Variants in FBXL2 observed in about 807,000 individuals in gnomAD.
The protein encoded by FBXL2 is F-box and leucine rich repeat protein 2, also known as F-box/LRR-repeat protein 2.
Under a neutral mutation model 69.2 loss-of-function variants are expected in FBXL2, and 38 were observed. The ratio of observed to expected loss-of-function variants is 0.55; its 90% confidence interval spans 0.42 to 0.72. The LOEUF (loss-of-function observed/expected upper bound fraction) is 0.72, where lower values mean the gene tolerates loss of function less well. FBXL2 is among the 30% of genes least tolerant of loss of function. FBXL2 has a pLI of 0.00. For missense variants in FBXL2, 354 were observed against 520.3 expected (o/e 0.68, Z 3.11); for synonymous variants, 192 against 201.3 (o/e 0.95, Z 0.39).
chr3:33,418,135 A>T, the FBXL2 span, among the ~76,000 whole-genome samples: 1 of 152,254 alleles, frequency 6.6e-6, no homozygotes, highest in East Asian at 1.9e-4. Flanking sequence ...GAAGAATATA[A>T]AGTTTTGAAA....
At chr3:33,309,227 T>C (rs76532096) in intron 2 of FBXL2, among the ~76,000 whole-genome samples, 15,444 of 152,264 alleles carry the variant, frequency 0.1, 822 homozygotes, top group African/African-American at 0.12. Context: ...GCTGCCATTT[T>C]TATATTGCAG....
At chr3:33,305,457 C>T (rs1263362277) in intron 2 of FBXL2, among the ~76,000 whole-genome samples, 2 of 151,800 alleles carry the variant, frequency 1.3e-5, no homozygotes, top group South Asian at 4.1e-4. Flanking sequence ...TTCTGTGTGT[C>T]AATACTACAT....
intron 6 of FBXL2, 48 bp from the exon 7 acceptor site, chr3:33,373,212 G>A: frequency 1.2e-6 from 2 of 1,610,836 alleles, no homozygotes; most frequent in Non-Finnish European, 1.7e-6. Context: ...AGAGAGAAGG[G>A]AGAGAAACGT....
chr3:33,370,889 G>A (rs1482317630), intron 5 of FBXL2, among the ~76,000 whole-genome samples: 2 of 152,076 alleles, frequency 1.3e-5, no homozygotes, highest in African/African-American at 2.4e-5. Flanking sequence ...TGGGTTTATT[G>A]TTTTCATAAA....
rs1319548491 is a variant in FBXL2, at chr3:33,387,311, T to C, written c.*1703T>C. The C allele has an allele frequency of 6.6e-6, 1 of 152,070 alleles. No homozygotes were observed. The allele number at this position is 152,070 out of a possible 1,614,324, so 9.4% of individuals were successfully genotyped here. A position where few individuals can be genotyped will look rare whatever the true frequency, so the allele number is the denominator to read the frequency against. On this transcript the variant is annotated 3_prime_UTR_variant, in exon 15 of 15. Transcript: ENST00000484457. ...TTAGTTTAGTTTCTATTAAAAAAAA[T>C]TAACTTAAGGCTGGCCACGGTGGTT...
chr3:33,392,700 C>T (rs947430763), downstream of FBXL2: 2 of 1,291,798 alleles, frequency 1.5e-6, no homozygotes, highest in Non-Finnish European at 2.2e-6. Flanking sequence ...ATATTCTTCT[C>T]AAACAAACAC....
At chr3:33,300,139 A>T (rs1044376704) in intron 2 of FBXL2, among the ~76,000 whole-genome samples, 1 of 152,162 alleles carries the variant, frequency 6.6e-6, no homozygotes, top group Non-Finnish European at 1.5e-5. Context: ...GGGTGTGATT[A>T]AACTCCACCC....
At chr3:33,348,887 G>A (rs1475420295) in intron 2 of FBXL2, among the ~76,000 whole-genome samples, 1 of 151,992 alleles carries the variant, frequency 6.6e-6, no homozygotes, top group Non-Finnish European at 1.5e-5. Context: ...TTGTAAATGG[G>A]ATTACTTTTT....
chr3:33,373,478 T>A, intron 7 of FBXL2, 100 bp from the exon 8 acceptor site: 1 of 1,569,774 alleles, frequency 6.4e-7, no homozygotes, highest in South Asian at 1.1e-5. Flanking sequence ...CCAGGCATGG[T>A]CTCCCCTTCG....
intron 1 of FBXL2, among the ~76,000 whole-genome samples, chr3:33,295,240 A>T (rs1057091738): frequency 6.6e-6 from 1 of 152,218 alleles, no homozygotes; most frequent in Non-Finnish European, 1.5e-5. Flanking sequence ...AAGAAACCTC[A>T]TATACACTCA....
At chr3:33,355,210 A>C (rs1235740732) in intron 2 of FBXL2, among the ~76,000 whole-genome samples, 2 of 152,196 alleles carry the variant, frequency 1.3e-5, no homozygotes, top group African/African-American at 4.8e-5. Flanking sequence ...GATTATAGGC[A>C]TGAGCCACCA....
intron 2 of FBXL2, among the ~76,000 whole-genome samples, chr3:33,337,800 T>C (rs1333926986): frequency 1.3e-5 from 2 of 152,270 alleles, no homozygotes; most frequent in East Asian, 1.9e-4. Flanking sequence ...CAAAAGTCAG[T>C]AGCATTTCTG....
intron 5 of FBXL2, among the ~76,000 whole-genome samples, chr3:33,366,098 A>G (rs1446920367): frequency 6.6e-6 from 1 of 152,256 alleles, no homozygotes; most frequent in Non-Finnish European, 1.5e-5. Flanking sequence ...TTTTCCTTAA[A>G]TGAAGAAAAT....
At chr3:33,309,355 TTATA>T (rs1241807950) in intron 2 of FBXL2, among the ~76,000 whole-genome samples, 1 of 152,248 alleles carries the variant, frequency 6.6e-6, no homozygotes, top group Non-Finnish European at 1.5e-5. Flanking sequence ...CCCTTTGTCA[TTATA>T]TAATCACTTT....
chr3:33,420,488 C>CTT, the FBXL2 span, among the ~76,000 whole-genome samples: 12,918 of 120,438 alleles, frequency 0.11, 1,113 homozygotes, highest in East Asian at 0.34. Flanking sequence ...ACCATACTGG[C>CTT]TTTTTTTTTT....
At chr3:33,313,027 G>A (rs958010501) in intron 2 of FBXL2, among the ~76,000 whole-genome samples, 1 of 152,028 alleles carries the variant, frequency 6.6e-6, no homozygotes, top group African/African-American at 2.4e-5. Flanking sequence ...GGCTGAGGCA[G>A]GAGAACTGCT....
chr3:33,396,175 A>C (rs771758375), intron 12 of FBXL2: 2 of 1,581,486 alleles, frequency 1.3e-6, no homozygotes, highest in Non-Finnish European at 1.7e-6. Context: ...AGGGTGCCCC[A>C]CTGCCATTCT....
At chr3:33,390,211 G>A (rs2043701735), downstream of FBXL2, 5 of 1,013,506 alleles carry the variant, frequency 4.9e-6, no homozygotes, top group Admixed American at 2.3e-5. Flanking sequence ...GTCATCTTGT[G>A]TTTTCAATAT....
the FBXL2 span, among the ~76,000 whole-genome samples, chr3:33,412,314 G>T: frequency 6.6e-6 from 1 of 151,664 alleles, no homozygotes; most frequent in Non-Finnish European, 1.5e-5. Flanking sequence ...AACTCTCTCG[G>T]TTCTTTATAA....
Sources: allele counts gnomAD v4.1 joint callset (sites outside exome capture counted in the v4.1 genomes callset), GRCh38; gene constraint gnomAD v4.1.1; transcripts MANE v1.5; gene names NCBI Gene and HGNC (gene_info 2026-07-23, HGNC 2026-07-21).